ARHGEF17: variants seen among roughly 807,000 people sequenced by gnomAD.
ARHGEF17 encodes the protein Rho guanine nucleotide exchange factor 17.
Under a neutral mutation model 174.0 loss-of-function variants are expected in ARHGEF17, and 80 were observed. That is an observed-to-expected ratio of 0.46 (90% CI 0.38 to 0.55). ARHGEF17 has a LOEUF of 0.55. Among genes scored for constraint, ARHGEF17 ranks in the 20% least tolerant of loss-of-function variants. ARHGEF17 has a pLI of 0.00. For missense variants in ARHGEF17, 2,886 were observed against 2,839.7 expected, an observed-to-expected ratio of 1.02 and a Z score of -0.37; for synonymous variants, 1,311 against 1,189.1, an observed-to-expected ratio of 1.10 and a Z score of -2.11.
At chr11:73,352,734 C>G in intron 2 of ARHGEF17, 96 bp from the exon 3 acceptor site, 1 of 1,393,954 alleles carries the variant, frequency 7.2e-7, no homozygotes, top group Non-Finnish European at 1.0e-6. Flanking sequence ...GCTGCAGGCC[C>G]GGGTGATTCT....
In ARHGEF17 at chr11:73,310,764, G is replaced by A. The variant is rs1418138720; in HGVS notation, c.2126G>A (p.Arg709Gln). 3.7e-6 allele frequency: 6 copies of A among 1,611,348 alleles called. No individual in the cohort carries two copies. Among genetic ancestry groups the A allele is most frequent in the South Asian group, 1.1e-5 (1 of 91,032 alleles). The change falls in exon 1 of 21, where the codon CGA becomes CAA. Residue 709 changes from arginine (R) to glutamine (Q), a missense_variant. Around this residue, in one of 4 missense-constraint regions of ARHGEF17, gnomAD observed 1,728 missense variants for 1,461.2 expected, o/e 1.18. Coordinates refer to ENST00000263674, the MANE Select transcript of ARHGEF17 (RefSeq NM_014786.4). The stretch of plus-strand genomic sequence containing the variant: ...CCCACACCAGGTGCCCTCCGCCGAC[G>A]ACGCAAAGTCCCACCTTCAGGTTCT... ...TPPTPGALRRRRKVPPSGSGG... is the reference protein window; with the variant it reads ...TPPTPGALRRQRKVPPSGSGG...
Position 73,311,581 on chromosome 11 carries a change from T to A in ARHGEF17, c.2943T>A (p.Pro981=). 6.2e-7 allele frequency: 1 copy of A among 1,613,570 alleles called. No homozygotes were observed. The highest frequency in any genetic ancestry group is 1.1e-5 in the South Asian group (1 of 91,090). ...VPEPPTSVGP[P]VAVPEPIGFP... ...AGCCACCAACTTCTGTTGGTCCCCC[T>A]GTGGCTGTGCCAGAACCCATAGGCT... Residue 981 remains proline (P), a synonymous_variant, in exon 1 of 21, where the codon CCT becomes CCA. Coordinates refer to ENST00000263674, the MANE Select transcript of ARHGEF17 (RefSeq NM_014786.4).
Position 73,365,269 on chromosome 11 carries a change from TC to T in ARHGEF17, c.5551-120del. ...GTGAAACCAAGCTTCGAAAGGTTAA[TC>T]AGACCAAGGACCAACGCTAGTGTGA... is the stretch of plus-strand genomic sequence containing the variant. On this transcript the variant is annotated intron_variant, in intron 18 of 20. Transcript: ENST00000263674. The surrounding 1 kb of genome is among the most constrained non-coding windows in gnomAD (Gnocchi z 4.9). 1 of 1,156,630 alleles carries T rather than the reference TC, an allele frequency of 8.6e-7. No homozygotes were observed. Among genetic ancestry groups the T allele is most frequent in the Non-Finnish European group, 1.2e-6 (1 of 814,868 alleles). 71.6% of individuals were successfully genotyped at this position (1,156,630 alleles called of 1,614,324 possible). A position where few individuals can be genotyped will look rare whatever the true frequency, so the allele number is the denominator to read the frequency against.
Position 73,310,073 on chromosome 11 carries a change from C to T in ARHGEF17, c.1435C>T (p.Arg479Cys), listed in dbSNP as rs201544882. ...SETLTLLSFL[R>C]SDLSELRVRK... The stretch of plus-strand genomic sequence containing the variant: ...GACCCTGACGCTTCTCAGTTTCCTG[C>T]GCTCAGACCTTTCAGAGCTGAGGGT... Residue 479 changes from arginine to cysteine, a missense_variant, in exon 1 of 21, where the codon CGC becomes TGC. Coordinates refer to ENST00000263674, the MANE Select transcript of ARHGEF17 (RefSeq NM_014786.4). The T allele has an allele frequency of 5.9e-5, 95 of 1,614,168 alleles. No individual in the cohort carries two copies. Among genetic ancestry groups the T allele is most frequent in the Non-Finnish European group, 7.5e-5 (88 of 1,180,020 alleles).
At chr11:73,361,051 T>A in intron 11 of ARHGEF17, 37 bp from the exon 12 acceptor site, 1 of 1,567,342 alleles carries the variant, frequency 6.4e-7, no homozygotes, top group Middle Eastern at 1.7e-4. Flanking sequence ...GATGCTATGC[T>A]AAGCAGGGTC....
chr11:73,345,496 G>T (rs1264915052), intron 1 of ARHGEF17, among the ~76,000 whole-genome samples: 1 of 152,054 alleles, frequency 6.6e-6, no homozygotes, highest in Non-Finnish European at 1.5e-5. Flanking sequence ...TGAAGTGGGT[G>T]TGCCACAAGC....
At chr11:73,331,220 G>T (rs1190233195) in intron 1 of ARHGEF17, among the ~76,000 whole-genome samples, 1 of 152,202 alleles carries the variant, frequency 6.6e-6, no homozygotes, top group Non-Finnish European at 1.5e-5. Context: ...ATCCATCAAA[G>T]GGAGCACTGG....
At chr11:73,332,904 ATCT>A (rs1200353683) in intron 1 of ARHGEF17, among the ~76,000 whole-genome samples, 3 of 151,988 alleles carry the variant, frequency 2.0e-5, no homozygotes, top group Admixed American at 6.6e-5. Flanking sequence ...CCCTCAGGAG[ATCT>A]TCTCCTCCTG....
rs924159749 is a variant in ARHGEF17 at position 73,368,087 on chromosome 11, G to A, written c.*307G>A. The A allele has an allele frequency of 1.2e-5, 4 of 320,104 alleles. No individual in the cohort carries two copies. Among genetic ancestry groups the A allele is most frequent in the South Asian group, 8.5e-5 (1 of 11,824 alleles). 19.8% of individuals were successfully genotyped at this position (320,104 alleles called of 1,614,324 possible). ...AGACACAGCTGGGTCTGGACCCCAC[G>A]GGGCTGGGGAGGGCCATGTGCAATA... On this transcript the variant is annotated 3_prime_UTR_variant, in exon 21 of 21. Coordinates refer to ENST00000263674, the MANE Select transcript of ARHGEF17 (RefSeq NM_014786.4).
At position 73,346,880 on chromosome 11, in the gene ARHGEF17, C is replaced by T. The variant is rs1454436995; in HGVS notation, c.3193-3C>T. 5 of 1,489,762 alleles carry T rather than the reference C, an allele frequency of 3.4e-6. No individual in the cohort carries two copies. The highest frequency in any genetic ancestry group is 4.5e-6 in the Non-Finnish European group (5 of 1,115,002). The allele number at this position is 1,489,762 out of a possible 1,614,324, so 92.3% of individuals were successfully genotyped here. A position where few individuals can be genotyped will look rare whatever the true frequency, so the allele number is the denominator to read the frequency against. Reference sequence around the variant, plus strand: ...TGTTCACCCTCTGCTCCTGTCCCCACAGGACATGCGGAAGCACGTGGCCAT... The same window carrying T: ...TGTTCACCCTCTGCTCCTGTCCCCATAGGACATGCGGAAGCACGTGGCCAT... On this transcript the variant is annotated splice_region_variant and splice_polypyrimidine_tract_variant and intron_variant, in intron 1 of 20. Coordinates refer to ENST00000263674, the MANE Select transcript of ARHGEF17 (RefSeq NM_014786.4).
In ARHGEF17 at chr11:73,363,203, C is replaced by A; in HGVS notation, c.4997-3C>A. 6.5e-7 allele frequency: 1 copy of A among 1,549,604 alleles called. No homozygotes were observed. The highest frequency in any genetic ancestry group is 2.0e-5 in the Admixed American group (1 of 50,962). On this transcript the variant is annotated splice_region_variant and splice_polypyrimidine_tract_variant and intron_variant, in intron 14 of 20. Coordinates refer to ENST00000263674, the MANE Select transcript of ARHGEF17 (RefSeq NM_014786.4). The stretch of plus-strand genomic sequence containing the variant: ...TGGAGACAGAGACCTTTGTCTCCCT[C>A]AGATGAGGAGACCCCGAGTTCCAAG...
chr11:73,308,593 G>GCCGCGGCTGC lies in ARHGEF17; in HGVS notation c.-42_-33dup. On this transcript the variant is annotated 5_prime_UTR_variant, in exon 1 of 21. Transcript: ENST00000263674. The stretch of plus-strand genomic sequence containing the variant: ...GGGAGTGGGGGCGCAGGGGGGGTTG[G>GCCGCGGCTGC]CCGCGGCTGCCCGAGGCCAGCCCCC... The GCCGCGGCTGC allele has an allele frequency of 7.2e-7, 1 of 1,386,988 alleles. No individual in the cohort carries two copies. The highest frequency in any genetic ancestry group is 9.3e-7 in the Non-Finnish European group (1 of 1,074,468). The allele number at this position is 1,386,988 out of a possible 1,614,324, so 85.9% of individuals were successfully genotyped here.
chr11:73,366,027 T>G, intron 20 of ARHGEF17, 80 bp downstream of exon 20: 1 of 1,519,602 alleles, frequency 6.6e-7, no homozygotes, highest in Non-Finnish European at 8.9e-7. Flanking sequence ...CAGAAGAGCT[T>G]TCAAGAGGGA....
Position 73,309,496 on chromosome 11 carries a change from C to A in ARHGEF17, c.858C>A (p.Gly286=). 1 of 1,549,938 alleles carries A rather than the reference C, an allele frequency of 6.5e-7. No individual in the cohort carries two copies. Among genetic ancestry groups the A allele is most frequent in the South Asian group, 1.2e-5 (1 of 83,542 alleles). ...GSDDDRDGEG[G]HRWGGRPGLR... is the part of the protein sequence containing the mutation. ...ACGACGACCGAGACGGTGAGGGCGG[C>A]CACCGCTGGGGAGGGAGGCCCGGGC... is the stretch of plus-strand genomic sequence containing the variant. The change falls in exon 1 of 21, where the codon GGC becomes GGA. Residue 286 remains glycine (G), a synonymous_variant. Coordinates refer to ENST00000263674, the MANE Select transcript of ARHGEF17 (RefSeq NM_014786.4).
At chr11:73,350,975 G>A (rs796839697) in intron 2 of ARHGEF17, among the ~76,000 whole-genome samples, 3 of 152,374 alleles carry the variant, frequency 2.0e-5, no homozygotes, top group African/African-American at 4.8e-5. Flanking sequence ...GCATTGGCTT[G>A]TGCCAGGTTC....
At chr11:73,343,085 C>T (rs941996990) in intron 1 of ARHGEF17, 16 of 318,994 alleles carry the variant, frequency 5.0e-5, no homozygotes, top group African/African-American at 3.5e-4. Flanking sequence ...CCGCGCTGAC[C>T]CCCGCCCCCC....
chr11:73,363,781 G>A lies in ARHGEF17; in HGVS notation c.5281G>A (p.Asp1761Asn). 1 of 1,614,072 alleles carries A rather than the reference G, an allele frequency of 6.2e-7. No individual in the cohort carries two copies. The highest frequency in any genetic ancestry group is 1.1e-5 in the South Asian group (1 of 91,076). ...GTACCAGTCCTCCGACAGCATCCGTGACCGCAGGAACAGCATGAAGCTCCA... is the reference window on the plus strand; with the variant it reads ...GTACCAGTCCTCCGACAGCATCCGTAACCGCAGGAACAGCATGAAGCTCCA... ...HVYQSSDSIR[D>N]RRNSMKLQHA... is the part of the protein sequence containing the mutation. Residue 1761 changes from aspartate (D) to asparagine (N), a missense_variant, in exon 16 of 21, where the codon GAC becomes AAC. Asp to Asn is a conservative substitution (Grantham distance 23). This residue lies in a region of ARHGEF17 where 329 missense variants were observed against 435.2 expected (regional missense o/e 0.76). Transcript: ENST00000263674.
At chr11:73,315,323 G>A (rs1316300558) in intron 1 of ARHGEF17, among the ~76,000 whole-genome samples, 1 of 152,316 alleles carries the variant, frequency 6.6e-6, no homozygotes, top group Middle Eastern at 3.4e-3. Context: ...AGAATGCTAG[G>A]TCTAAGGTCA....
chr11:73,327,028 G>A (rs936458728), intron 1 of ARHGEF17, among the ~76,000 whole-genome samples: 1 of 152,208 alleles, frequency 6.6e-6, no homozygotes, highest in African/African-American at 2.4e-5. Flanking sequence ...CTGGGCAGGG[G>A]TAAACTCTGT....
Sources: gnomAD v4.1 joint callset for allele counts (sites outside exome capture counted in the v4.1 genomes callset) on GRCh38, gnomAD v4.1.1 for gene constraint, gnomAD v4.1.1 regional missense constraint, Gnocchi (gnomAD v3.1) non-coding constraint, MANE v1.5 for transcripts, NCBI Gene and HGNC (gene_info 2026-07-23, HGNC 2026-07-21) for gene names.